Variants in PLCG2 observed in about 807,000 individuals in gnomAD.
PLCG2 encodes 1-phosphatidylinositol 4,5-bisphosphate phosphodiesterase gamma-2.
PLCG2 carries 69 observed loss-of-function variants against 175.6 expected under a neutral mutation model. The ratio of observed to expected loss-of-function variants is 0.39; its 90% confidence interval spans 0.32 to 0.48. The LOEUF (loss-of-function observed/expected upper bound fraction) is 0.48. Among genes scored for constraint, PLCG2 ranks in the 20% least tolerant of loss-of-function variants. The probability of loss-of-function intolerance (pLI) is 0.91; values close to 1 mark genes in which losing one functional copy is unlikely to be tolerated. For missense variants in PLCG2, 1,798 were observed against 1,650.9 expected (o/e 1.09, Z -1.54); for synonymous variants, 827 against 624.0 (o/e 1.33, Z -4.85).
chr16:81,785,131 G>T (rs1472805370), intron 1 of PLCG2, among the ~76,000 whole-genome samples: 3 of 152,178 alleles, frequency 2.0e-5, no homozygotes, highest in African/African-American at 7.2e-5. Context: ...TGCGTTGGAA[G>T]TGGTCGTGAG....
chr16:81,769,617 A>G (rs1028512845), intron 2 of PLCG2, among the ~76,000 whole-genome samples: 38 of 151,964 alleles, frequency 2.5e-4, no homozygotes, highest in Admixed American at 2.1e-3. Context: ...GATCGAGACC[A>G]TCCCGGCTAA....
chr16:81,748,339 G>C lies in PLCG2; in HGVS notation c.-144-7531G>C, dbSNP rs539338587. On this transcript the variant is annotated intron_variant, in intron 1 of 5. Transcript: ENST00000565054. ...TGGAAGGTGGAAGTTGCAGTAAGTC[G>C]AGATGGTGCCACTGTACTCTAGCCT... Among the ~76,000 whole-genome samples, 156 of 152,058 alleles carry C rather than the reference G, an allele frequency of 1.0e-3. 1 individual carries two copies. Among genetic ancestry groups the C allele is most frequent in the Non-Finnish European group, 1.4e-3 (96 of 67,998 alleles).
chr16:81,893,829 C>A (rs764122200), intron 12 of PLCG2, 35 bp downstream of exon 12: 2 of 1,370,666 alleles, frequency 1.5e-6, no homozygotes, highest in African/African-American at 2.9e-5. Context: ...GTCAGGCTCG[C>A]AGCAAATTGA....
At chr16:81,895,578 A>G (rs952674891) in intron 12 of PLCG2, 2 of 469,938 alleles carry the variant, frequency 4.3e-6, no homozygotes, top group East Asian at 3.6e-5. Flanking sequence ...AAAAAATGAA[A>G]AAAAAAGCAG....
At chr16:81,810,254 G>C (rs1421508344) in intron 2 of PLCG2, among the ~76,000 whole-genome samples, 1 of 152,190 alleles carries the variant, frequency 6.6e-6, no homozygotes, top group African/African-American at 2.4e-5. Flanking sequence ...CCGAAGTGCT[G>C]GGATTACGGT....
intron 14 of PLCG2, among the ~76,000 whole-genome samples, chr16:81,902,194 C>G (rs1189045959): frequency 6.6e-6 from 1 of 152,186 alleles, no homozygotes; most frequent in Admixed American, 6.5e-5. Flanking sequence ...AGCGGGGCAG[C>G]CTTTCATGGA....
intron 7 of PLCG2, among the ~76,000 whole-genome samples, chr16:81,875,855 T>C (rs1907755970): frequency 6.6e-6 from 1 of 152,160 alleles, no homozygotes; most frequent in South Asian, 2.1e-4. Flanking sequence ...GGATTTTACA[T>C]GGGTGTGAGC....
rs142647352 is a variant in PLCG2 at position 81,780,621 on chromosome 16, C to A, written c.-48+1197C>A. Among the ~76,000 whole-genome samples, 24 of 152,304 alleles carry A rather than the reference C, an allele frequency of 1.6e-4. 1 individual carries two copies. In the East Asian group the frequency reaches 4.6e-3, roughly 29 times the overall value. On this transcript the variant is annotated intron_variant, in intron 1 of 32. Transcript: ENST00000564138. ...TGATGCAGCTGCCTTCCCCCACCAG[C>A]GACTGGAGTATGGGCAGTTCCTCTG...
At chr16:81,904,892 A>G (rs1477499927) in intron 14 of PLCG2, among the ~76,000 whole-genome samples, 3 of 151,846 alleles carry the variant, frequency 2.0e-5, no homozygotes, top group Non-Finnish European at 2.9e-5. Flanking sequence ...ATTTTTACTT[A>G]TTTATTTTTT....
At chr16:81,884,488 C>T (rs1908256243) in intron 9 of PLCG2, among the ~76,000 whole-genome samples, 1 of 152,098 alleles carries the variant, frequency 6.6e-6, no homozygotes, top group South Asian at 2.1e-4. Context: ...TTACCAGCTG[C>T]ACAGCCACCG....
Position 81,958,366 on chromosome 16 carries a change from C to T in PLCG2, c.*368C>T. On this transcript the variant is annotated 3_prime_UTR_variant, in exon 33 of 33. Coordinates refer to ENST00000564138, the MANE Select transcript of PLCG2 (RefSeq NM_002661.5). The stretch of plus-strand genomic sequence containing the variant: ...TTTTCTGGCCAAGAAGATTCTACCT[C>T]TAATGATCCAGGTAACTGATGTCCA... 1 of 265,418 alleles carries T rather than the reference C, an allele frequency of 3.8e-6. No homozygotes were observed. The highest frequency in any genetic ancestry group is 7.2e-6 in the Non-Finnish European group (1 of 139,262). 16.4% of individuals were successfully genotyped at this position (265,418 alleles called of 1,614,324 possible). A position where few individuals can be genotyped will look rare whatever the true frequency, so the allele number is the denominator to read the frequency against.
intron 31 of PLCG2, among the ~76,000 whole-genome samples, chr16:81,948,315 C>G (rs902989545): frequency 6.6e-6 from 1 of 152,078 alleles, no homozygotes; most frequent in African/African-American, 2.4e-5. Context: ...GGTGAGATCC[C>G]GAAGAATGGG....
chr16:81,924,703 C>T (rs1274876654), intron 22 of PLCG2, among the ~76,000 whole-genome samples: 1 of 152,242 alleles, frequency 6.6e-6, no homozygotes, highest in African/African-American at 2.4e-5. Context: ...CAATTCATAC[C>T]TAGATTCCAC....
intron 19 of PLCG2, among the ~76,000 whole-genome samples, chr16:81,914,872 G>A (rs1487816987): frequency 1.3e-5 from 2 of 152,200 alleles, no homozygotes; most frequent in Admixed American, 6.5e-5. Flanking sequence ...GGGAAGCTCA[G>A]TCCACACAGT....
At chr16:81,918,285 A>G (rs927933162) in intron 19 of PLCG2, among the ~76,000 whole-genome samples, 2 of 152,176 alleles carry the variant, frequency 1.3e-5, no homozygotes, top group Non-Finnish European at 2.9e-5. Context: ...GACCAATGCT[A>G]CGGAGGTTTT....
chr16:81,891,384 T>A, intron 10 of PLCG2, 88 bp from the exon 11 acceptor site: 1 of 793,160 alleles, frequency 1.3e-6, no homozygotes, highest in South Asian at 1.4e-5. Context: ...GAGCTGTTCT[T>A]CCCCCCTGGT....
chr16:81,803,587 T>TTTCCTTTCCTTTCA (rs1567472300), intron 2 of PLCG2, among the ~76,000 whole-genome samples: 1 of 43,748 alleles, frequency 2.3e-5, no homozygotes, highest in Non-Finnish European at 5.3e-5. Flanking sequence ...CTTTCCTTTC[T>TTTCCTTTCCTTTCA]TTTCTTTTCT....
intron 31 of PLCG2, among the ~76,000 whole-genome samples, chr16:81,949,089 GAA>G (rs1477600163): frequency 6.6e-6 from 1 of 152,184 alleles, no homozygotes; most frequent in Non-Finnish European, 1.5e-5. Flanking sequence ...TAATGTGAAG[GAA>G]AAGTCTCACA....
chr16:81,902,118 C>G (rs1909176927), intron 14 of PLCG2, among the ~76,000 whole-genome samples: 1 of 152,240 alleles, frequency 6.6e-6, no homozygotes. Flanking sequence ...CCGTCCTTTT[C>G]TCTACTGTTC....
Sources: allele counts gnomAD v4.1 joint callset (sites outside exome capture counted in the v4.1 genomes callset), GRCh38; gene constraint gnomAD v4.1.1; transcripts MANE v1.5; gene names NCBI Gene and HGNC (gene_info 2026-07-23, HGNC 2026-07-21).